The following SLC25A30 variants were observed in gnomAD, a reference collection of about 807,000 sequenced individuals.
SLC25A30 encodes the protein solute carrier family 25 member 30, also known as kidney mitochondrial carrier protein 1.
Under a neutral mutation model 42.7 loss-of-function variants are expected in SLC25A30, and 29 were observed. That is an observed-to-expected ratio of 0.68 (90% CI 0.51 to 0.93). The LOEUF (loss-of-function observed/expected upper bound fraction) is 0.93, where lower values mean the gene tolerates loss of function less well. Ranked by LOEUF, SLC25A30 falls within the 40% of genes least tolerant of loss-of-function variation. The pLI is 0.00. For missense variants in SLC25A30, 300 were observed against 359.7 expected (o/e 0.83, Z 1.34); for synonymous variants, 124 against 131.0 (o/e 0.95, Z 0.37).
At chr13:45,422,156 T>G (rs1883905237), upstream of SLC25A30, among the ~76,000 whole-genome samples, 1 of 152,168 alleles carries the variant, frequency 6.6e-6, no homozygotes, top group Admixed American at 6.5e-5. Context: ...TAACAAATGC[T>G]TTGGAATCAA....
At chr13:45,423,538 A>C in the SLC25A30 span, among the ~76,000 whole-genome samples, 5 of 94,064 alleles carry the variant, frequency 5.3e-5, 1 homozygote, top group Non-Finnish European at 8.8e-5. Context: ...ATATATACAA[A>C]TATATATAAA....
At position 45,405,936 on chromosome 13, in the gene SLC25A30, A is replaced by C. The variant is rs1315550483; in HGVS notation, c.254T>G (p.Ile85Ser). 1.2e-6 allele frequency: 2 copies of C among 1,614,224 alleles called. No individual in the cohort carries two copies. Among genetic ancestry groups the C allele is most frequent in the Non-Finnish European group, 1.7e-6 (2 of 1,180,042 alleles). The change falls in exon 4 of 10, where the codon ATC (isoleucine) becomes AGC (serine). Residue 85 changes from isoleucine (I) to serine (S), a missense_variant. Ile to Ser is a moderately radical substitution (Grantham distance 142, BLOSUM62 -2). Transcript: ENST00000519676. ...AMLRQASYGT[I>S]KIGTYQSLKR... Reference sequence around the variant, plus strand: ...CAAGCTCTGGTAAGTGCCTATCTTGATGGTGCCATAGGATGCCTGGCGTAA... The same window carrying C: ...CAAGCTCTGGTAAGTGCCTATCTTGCTGGTGCCATAGGATGCCTGGCGTAA...
upstream of SLC25A30, among the ~76,000 whole-genome samples, chr13:45,421,620 T>C (rs1426406763): frequency 6.6e-6 from 1 of 152,128 alleles, no homozygotes; most frequent in African/African-American, 2.4e-5. Context: ...CTTTATTAGC[T>C]CTCTGGCCTT....
chr13:45,419,412 A>G (rs1429637845), upstream of SLC25A30, among the ~76,000 whole-genome samples: 1 of 150,490 alleles, frequency 6.6e-6, no homozygotes, highest in African/African-American at 2.4e-5. Context: ...TCCGCCTCCC[A>G]GGTTCAAGTG....
chr13:45,418,241 G>A (rs1045840065), intron 1 of SLC25A30, 59 bp downstream of exon 1: 3 of 152,568 alleles, frequency 2.0e-5, no homozygotes, highest in African/African-American at 4.8e-5. Flanking sequence ...CCCAGGCCCG[G>A]GTTCCAGGAG....
In SLC25A30 at chr13:45,399,043, G is replaced by T. The variant is rs763223427; in HGVS notation, c.650C>A (p.Ala217Asp). The change falls in exon 8 of 10, where the codon GCC becomes GAC. Residue 217 changes from alanine (A) to aspartate (D), a missense_variant. Ala to Asp is a moderately radical substitution (Grantham distance 126). Transcript: ENST00000519676. ...SFTCGLAGAL[A>D]SNPVDVVRTR... is the part of the protein sequence containing the mutation. ...CCTCACAACATCAACAGGGTTTGAG[G>T]CCAGGGCCCCTGCCAGACCACAGGT... 6.2e-7 allele frequency: 1 copy of T among 1,613,134 alleles called. No homozygotes were observed.
intron 1 of SLC25A30, among the ~76,000 whole-genome samples, chr13:45,413,148 C>A (rs762968486): frequency 6.6e-6 from 1 of 152,056 alleles, no homozygotes; most frequent in Non-Finnish European, 1.5e-5. Context: ...ATAGCAGTTA[C>A]AAATGAGTAA....
intron 1 of SLC25A30, among the ~76,000 whole-genome samples, chr13:45,416,130 G>A (rs1298170499): frequency 1.3e-5 from 2 of 151,824 alleles, no homozygotes; most frequent in South Asian, 2.1e-4. Context: ...AAAACAGGCC[G>A]GGCACGGTGG....
chr13:45,423,060 G>C (rs567244308), upstream of SLC25A30, among the ~76,000 whole-genome samples: 3 of 152,086 alleles, frequency 2.0e-5, no homozygotes, highest in East Asian at 1.9e-4. Context: ...CAGTAAGCTC[G>C]TTGGGGTAGG....
upstream of SLC25A30, among the ~76,000 whole-genome samples, chr13:45,421,303 T>A (rs1593639507): frequency 7.3e-6 from 1 of 136,930 alleles, no homozygotes; most frequent in Non-Finnish European, 1.5e-5. Flanking sequence ...TGCTGGAACC[T>A]GGGAAGCAGA....
chr13:45,427,763 T>TTTTCTTTTCTTTTCTTTTCTTTTCTTTTC, the SLC25A30 span, among the ~76,000 whole-genome samples: 2 of 47,632 alleles, frequency 4.2e-5, no homozygotes, highest in African/African-American at 1.5e-4. Flanking sequence ...CTTTTCTTTT[T>TTTTCTTTTCTTTTCTTTTCTTTTCTTTTC]GAGACAGATC....
rs1164538777 is a variant in SLC25A30 at position 45,393,834 on chromosome 13, T to C, written c.*2140A>G. The C allele has an allele frequency of 1.0e-6, 1 of 985,384 alleles. No individual in the cohort carries two copies. Among genetic ancestry groups the C allele is most frequent in the East Asian group, 1.1e-4 (1 of 8,822 alleles). 61.0% of individuals were successfully genotyped at this position (985,384 alleles called of 1,614,324 possible). On this transcript the variant is annotated 3_prime_UTR_variant, in exon 10 of 10. Transcript: ENST00000519676. ...ATCGTGCTTAAGTTTTACCATGAGG[T>C]TTGAATTTCTTTCCACCTTGGTAGG...
chr13:45,433,594 G>A, the SLC25A30 span, among the ~76,000 whole-genome samples: 3 of 152,162 alleles, frequency 2.0e-5, no homozygotes, highest in Non-Finnish European at 2.9e-5. Flanking sequence ...CTCTGATAAA[G>A]AGCATACATG....
chr13:45,410,743 C>T (rs1028287258), intron 2 of SLC25A30, among the ~76,000 whole-genome samples: 7 of 152,074 alleles, frequency 4.6e-5, no homozygotes. Flanking sequence ...GCACGGGAGG[C>T]GGAGGCTGGA....
chr13:45,415,434 A>G (rs1408742904), intron 1 of SLC25A30, among the ~76,000 whole-genome samples: 1 of 152,102 alleles, frequency 6.6e-6, no homozygotes, highest in East Asian at 1.9e-4. Context: ...CAGCAGAGGA[A>G]ATAAAAAATT....
the SLC25A30 span, among the ~76,000 whole-genome samples, chr13:45,423,821 A>T: frequency 1.3e-5 from 1 of 79,190 alleles, no homozygotes; most frequent in Non-Finnish European, 2.1e-5. Flanking sequence ...TAAAAATATA[A>T]ATATATATTT....
At position 45,395,830 on chromosome 13, in the gene SLC25A30, T is replaced by C. The variant is rs1232853181; in HGVS notation, c.*144A>G. Reference sequence around the variant, plus strand: ...AGCATCCAATGCCAACACACAGCAATCTCAACTAACCCAGTCTTCATCTGT... The same window carrying C: ...AGCATCCAATGCCAACACACAGCAACCTCAACTAACCCAGTCTTCATCTGT... On this transcript the variant is annotated 3_prime_UTR_variant, in exon 10 of 10. Coordinates refer to ENST00000519676, the MANE Select transcript of SLC25A30 (RefSeq NM_001010875.4). 3.9e-6 allele frequency: 6 copies of C among 1,552,564 alleles called. No individual in the cohort carries two copies. The highest frequency in any genetic ancestry group is 5.2e-6 in the Non-Finnish European group (6 of 1,150,264).
intron 7 of SLC25A30, 66 bp from the exon 8 acceptor site, chr13:45,399,144 G>A: frequency 6.8e-7 from 1 of 1,475,722 alleles, no homozygotes; most frequent in Non-Finnish European, 9.1e-7. Flanking sequence ...CACCATCAAA[G>A]GCAGAAAACA....
chr13:45,412,526 T>C (rs2137686569), intron 1 of SLC25A30, among the ~76,000 whole-genome samples: 1 of 152,190 alleles, frequency 6.6e-6, no homozygotes, highest in East Asian at 1.9e-4. Context: ...CCCACACCCT[T>C]CCTAGAGAAG....
Sources: gnomAD v4.1 joint callset for allele counts (sites outside exome capture counted in the v4.1 genomes callset) on GRCh38, gnomAD v4.1.1 for gene constraint, MANE v1.5 for transcripts, NCBI Gene and HGNC (gene_info 2026-07-23, HGNC 2026-07-21) for gene names.